Variants in RFX4 observed in about 807,000 individuals in gnomAD.
RFX4 encodes transcription factor RFX4.
RFX4 carries 10 observed loss-of-function variants against 95.0 expected under a neutral mutation model. The ratio of observed to expected loss-of-function variants is 0.11; its 90% CI spans 0.06 to 0.18. The LOEUF (loss-of-function observed/expected upper bound fraction) is 0.18, where lower values mean the gene tolerates loss of function less well. Among genes scored for constraint, RFX4 ranks in the 10% least tolerant of loss-of-function variants. RFX4 has a pLI of 1.00. For synonymous variants in RFX4, 321 were observed against 340.7 expected (o/e 0.94, Z 0.64); for missense variants, 640 against 922.0 (o/e 0.69, Z 3.96).
intron 4 of RFX4, among the ~76,000 whole-genome samples, chr12:106,660,378 C>T (rs1431687482): frequency 6.6e-6 from 1 of 151,812 alleles, no homozygotes; most frequent in East Asian, 2.0e-4. Flanking sequence ...TGAGCATCCC[C>T]CTCTCTCAGC....
chr12:106,651,171 AG>A (rs2137311502), intron 3 of RFX4, among the ~76,000 whole-genome samples: 1 of 152,268 alleles, frequency 6.6e-6, no homozygotes, highest in South Asian at 2.1e-4. Flanking sequence ...CATCATTAAA[AG>A]CACATGGCAC....
At chr12:106,659,450 G>A (rs953247964) in intron 4 of RFX4, among the ~76,000 whole-genome samples, 2 of 152,196 alleles carry the variant, frequency 1.3e-5, no homozygotes, top group East Asian at 3.8e-4. Flanking sequence ...TACGGTAATA[G>A]GGATCACAAT....
chr12:106,711,863 T>A (rs2042196479), intron 10 of RFX4, among the ~76,000 whole-genome samples: 1 of 152,234 alleles, frequency 6.6e-6, no homozygotes, highest in African/African-American at 2.4e-5. Flanking sequence ...CAAAGCCACA[T>A]AATATATTCA....
rs184562266 is a variant in RFX4, at chr12:106,746,732, C to T, written c.1634-705C>T. On this transcript the variant is annotated intron_variant, in intron 15 of 17. Coordinates refer to ENST00000392842, the MANE Select transcript of RFX4 (RefSeq NM_213594.3). ...CAAAAAGACCTGAGCTGGCAGAGCC[C>T]AGTAATCTACTTATGTTTGCTTAAA... is the stretch of plus-strand genomic sequence containing the variant. Among the ~76,000 whole-genome samples, 32 of 152,294 alleles carry T rather than the reference C, an allele frequency of 2.1e-4. 1 individual carries two copies. In the East Asian group the frequency reaches 5.8e-3, roughly 28 times the overall value.
intron 2 of RFX4, among the ~76,000 whole-genome samples, chr12:106,631,557 A>T (rs1031543365): frequency 2.0e-5 from 3 of 152,206 alleles, no homozygotes; most frequent in Middle Eastern, 3.2e-3. Context: ...GTGTCTCCTT[A>T]TAAAAGAGGC....
chr12:106,752,633 C>G (rs376543337), intron 17 of RFX4, among the ~76,000 whole-genome samples: 53 of 152,264 alleles, frequency 3.5e-4, no homozygotes, highest in African/African-American at 1.0e-3. Context: ...ATCATTTTAA[C>G]TGGCCTTGGG....
chr12:106,743,258 T>G (rs898452942), intron 15 of RFX4, among the ~76,000 whole-genome samples: 1 of 152,214 alleles, frequency 6.6e-6, no homozygotes, highest in South Asian at 2.1e-4. Context: ...ACAAAAAGCA[T>G]TAGAATTGTC....
At chr12:106,760,178 G>A (rs770456571) in intron 17 of RFX4, among the ~76,000 whole-genome samples, 11 of 152,168 alleles carry the variant, frequency 7.2e-5, no homozygotes, top group Admixed American at 2.6e-4. Flanking sequence ...CCTCCTCGCT[G>A]CTCTGGCCAT....
intron 3 of RFX4, among the ~76,000 whole-genome samples, chr12:106,649,636 C>G (rs1450392544): frequency 1.3e-5 from 2 of 152,108 alleles, no homozygotes; most frequent in African/African-American, 4.8e-5. Context: ...TAATCTTGAC[C>G]TCTTGGCCAG....
intron 4 of RFX4, among the ~76,000 whole-genome samples, chr12:106,662,800 C>T (rs1214336450): frequency 6.6e-6 from 1 of 152,030 alleles, no homozygotes; most frequent in Non-Finnish European, 1.5e-5. Context: ...TGTTCCAGCA[C>T]CATTTTGTTT....
At chr12:106,678,119 C>T (rs2041433165) in intron 4 of RFX4, among the ~76,000 whole-genome samples, 5 of 152,198 alleles carry the variant, frequency 3.3e-5, no homozygotes, top group Admixed American at 3.3e-4. Context: ...GATAATTCCT[C>T]AAGATCACAG....
At chr12:106,740,462 C>T (rs146595819) in intron 15 of RFX4, among the ~76,000 whole-genome samples, 6 of 152,194 alleles carry the variant, frequency 3.9e-5, no homozygotes, top group African/African-American at 1.2e-4. Flanking sequence ...AATGGAATCA[C>T]GAAAAATAAG....
chr12:106,659,425 A>G (rs1271182694), intron 4 of RFX4, among the ~76,000 whole-genome samples: 1 of 152,156 alleles, frequency 6.6e-6, no homozygotes, highest in African/African-American at 2.4e-5. Context: ...ACAGAACTAT[A>G]AATTGAAACA....
chr12:106,595,377 T>C (rs751207625), intron 1 of RFX4, among the ~76,000 whole-genome samples: 1 of 152,182 alleles, frequency 6.6e-6, no homozygotes, highest in African/African-American at 2.4e-5. Flanking sequence ...CTCATCCTGG[T>C]GGGAGACAGC....
intron 3 of RFX4, among the ~76,000 whole-genome samples, chr12:106,644,014 T>G (rs903385624): frequency 3.3e-5 from 5 of 152,188 alleles, no homozygotes; most frequent in Non-Finnish European, 1.5e-5. Flanking sequence ...AAGTATGGTT[T>G]TTAATTTAGC....
At chr12:106,735,526 T>C (rs923575912) in intron 15 of RFX4, among the ~76,000 whole-genome samples, 6 of 152,198 alleles carry the variant, frequency 3.9e-5, no homozygotes, top group Admixed American at 3.3e-4. Flanking sequence ...AAAGAAAATG[T>C]ATATAACTTC....
rs1242613134 is a variant in RFX4, at chr12:106,747,472, A to C, written c.1669A>C (p.Thr557Pro). Residue 557 changes from threonine to proline, a missense_variant, in exon 16 of 18, where the codon ACA becomes CCA. Coordinates refer to ENST00000392842, the MANE Select transcript of RFX4 (RefSeq NM_213594.3). ...GTCTTACACGTGGTCTCTAACATAC[A>C]CAGTGACGACGGCTGCTGGGTCCCC... ...MQSYTWSLTY[T>P]VTTAAGSPAE... 6.2e-7 allele frequency: 1 copy of C among 1,614,194 alleles called. No homozygotes were observed. Among genetic ancestry groups the C allele is most frequent in the Admixed American group, 1.7e-5 (1 of 60,028 alleles).
chr12:106,679,464 C>CA (rs35165186), intron 4 of RFX4, among the ~76,000 whole-genome samples: 2,722 of 146,062 alleles, frequency 0.019, 55 homozygotes, highest in African/African-American at 0.049. Context: ...CAGAAAAAAA[C>CA]AAAAAAAAAA....
In RFX4 at chr12:106,752,986, A is replaced by C. The variant is rs116245584; in HGVS notation, c.1935+2193A>C. On this transcript the variant is annotated intron_variant, in intron 17 of 17. Coordinates refer to ENST00000392842, the MANE Select transcript of RFX4 (RefSeq NM_213594.3). ...GCCTTTATCATATCCAGCTTAGATGAAGACAGAAGCCTTCCTGGTGGTCTC... is the reference window on the plus strand; with the variant it reads ...GCCTTTATCATATCCAGCTTAGATGCAGACAGAAGCCTTCCTGGTGGTCTC... Among the ~76,000 whole-genome samples, 692 of 152,160 alleles carry C rather than the reference A, an allele frequency of 4.5e-3. 4 individuals are homozygous for C. The highest frequency in any genetic ancestry group is 0.016 in the African/African-American group (669 of 41,490).
Sources: allele counts gnomAD v4.1 joint callset (sites outside exome capture counted in the v4.1 genomes callset), GRCh38; gene constraint gnomAD v4.1.1; transcripts MANE v1.5; gene names NCBI Gene and HGNC (gene_info 2026-07-23, HGNC 2026-07-21).